RPS6KA6: variants seen among roughly 807,000 people sequenced by gnomAD.
RPS6KA6 encodes ribosomal protein S6 kinase A6, also known as ribosomal protein S6 kinase alpha-6.
A neutral mutation model predicts 65.4 loss-of-function variants in RPS6KA6; 27 were observed. That is an observed-to-expected ratio of 0.41 (90% confidence interval 0.30 to 0.57). The LOEUF (loss-of-function observed/expected upper bound fraction) is 0.57. Ranked by LOEUF, RPS6KA6 falls within the 20% of genes least tolerant of loss-of-function variation. The pLI is 0.24. For synonymous variants in RPS6KA6, 190 were observed against 184.2 expected, an observed-to-expected ratio of 1.03 and a Z score of -0.26; for missense variants, 486 against 555.6, an observed-to-expected ratio of 0.87 and a Z score of 1.26.
chrX:84,062,344 T>C lies in RPS6KA6; in HGVS notation c.*1933A>G, dbSNP rs2033314570. 1 of 111,759 alleles carries C rather than the reference T, an allele frequency of 8.9e-6. No individual in the cohort carries two copies. The highest frequency in any genetic ancestry group is 3.2e-5 in the African/African-American group (1 of 30,806). The allele number at this position is 111,759 out of a possible 1,213,427, so 9.2% of individuals were successfully genotyped here. ...ATCCATGGAAATAGTATCTCTGTCC[T>C]GAAAACTTCAACACCAAAATCACAC... On this transcript the variant is annotated 3_prime_UTR_variant, in exon 22 of 22. Coordinates refer to ENST00000262752, the MANE Select transcript of RPS6KA6 (RefSeq NM_014496.5).
At chrX:84,075,759 A>G (rs1239002811) in intron 20 of RPS6KA6, among the ~76,000 whole-genome samples, 1 of 112,150 alleles carries the variant, frequency 8.9e-6, no homozygotes, top group African/African-American at 3.2e-5. Context: ...AAAAAAGTCA[A>G]CCAATAATTT....
intron 14 of RPS6KA6, 148 bp from the exon 15 acceptor site, chrX:84,106,635 C>A: frequency 2.1e-6 from 1 of 478,582 alleles, no homozygotes; most frequent in Non-Finnish European, 3.3e-6. Flanking sequence ...ATGGCGTGAA[C>A]CAATCCTTTC....
rs748634139 is a variant in RPS6KA6, at chrX:84,115,217, A to G, written c.1008+1012T>C. On this transcript the variant is annotated intron_variant, in intron 12 of 21. Coordinates refer to ENST00000262752, the MANE Select transcript of RPS6KA6 (RefSeq NM_014496.5). ...AAACTATGCCTCTGACAAAAGACTAATATCGAGATCTGCAAGGTACTCAAA... is the reference window on the plus strand; with the variant it reads ...AAACTATGCCTCTGACAAAAGACTAGTATCGAGATCTGCAAGGTACTCAAA... Among the ~76,000 whole-genome samples, 72 of 111,777 alleles carry G rather than the reference A, an allele frequency of 6.4e-4. 1 individual carries two copies. The highest frequency in any genetic ancestry group is 1.1e-3 in the Non-Finnish European group (61 of 53,151).
chrX:84,064,838 T>C, intron 21 of RPS6KA6, 133 bp downstream of exon 21: 1 of 485,785 alleles, frequency 2.1e-6, no homozygotes, highest in Admixed American at 3.7e-5. Context: ...ACATGGTTGT[T>C]AATTTAAAAA....
At chrX:84,181,642 A>C (rs1327146447) in intron 1 of RPS6KA6, among the ~76,000 whole-genome samples, 1 of 111,138 alleles carries the variant, frequency 9.0e-6, no homozygotes, top group Non-Finnish European at 1.9e-5. Flanking sequence ...CATCATAAGC[A>C]TCTGGGGAAT....
Position 84,064,394 on chromosome X carries a change from C to T in RPS6KA6, c.2121G>A (p.Met707Ile), listed in dbSNP as rs754433259. 2 of 1,194,619 alleles carry T rather than the reference C, an allele frequency of 1.7e-6. No homozygotes were observed. Among genetic ancestry groups the T allele is most frequent in the East Asian group, 6.0e-5 (2 of 33,468 alleles). The change falls in exon 22 of 22, where the codon ATG becomes ATA. Residue 707 changes from methionine (M) to isoleucine (I), a missense_variant. By Grantham distance (10) the Met-to-Ile change is conservative (BLOSUM62 1). Around this residue, in one of 3 missense-constraint regions of RPS6KA6, gnomAD observed 345 missense variants for 375.0 expected, o/e 0.92. Coordinates refer to ENST00000262752, the MANE Select transcript of RPS6KA6 (RefSeq NM_014496.5). The stretch of plus-strand genomic sequence containing the variant: ...GAGTCAGGGCAGAGTATGTTGCAAC[C>T]ATTGCTCCCTAAAGTAATGAGAAAA... ...NDVSHVVKGA[M>I]VATYSALTHK...
intron 20 of RPS6KA6, among the ~76,000 whole-genome samples, chrX:84,091,816 A>G (rs1292369981): frequency 8.9e-6 from 1 of 112,253 alleles, no homozygotes; most frequent in Non-Finnish European, 1.9e-5. Flanking sequence ...GATAGACTAA[A>G]GAAAATGAGG....
At chrX:84,163,204 G>C (rs1282049552) in intron 2 of RPS6KA6, among the ~76,000 whole-genome samples, 1 of 111,788 alleles carries the variant, frequency 8.9e-6, no homozygotes, top group Non-Finnish European at 1.9e-5. Context: ...TGACCTAAAA[G>C]GAAGCATACT....
intron 6 of RPS6KA6, among the ~76,000 whole-genome samples, chrX:84,144,395 G>C (rs1303281087): frequency 9.0e-6 from 1 of 110,649 alleles, no homozygotes; most frequent in African/African-American, 3.3e-5. Flanking sequence ...TTACCAAGAG[G>C]ATAGATGGCA....
chrX:84,112,590 T>G (rs1275269719), intron 12 of RPS6KA6, among the ~76,000 whole-genome samples: 1 of 110,741 alleles, frequency 9.0e-6, no homozygotes, highest in African/African-American at 3.3e-5. Flanking sequence ...AACAACAAAA[T>G]CAAGGCAGGA....
At chrX:84,099,385 C>T (rs2034217977) in intron 18 of RPS6KA6, among the ~76,000 whole-genome samples, 1 of 111,080 alleles carries the variant, frequency 9.0e-6, no homozygotes, top group Admixed American at 9.6e-5. Context: ...TTATGTTTCA[C>T]ACCTTTTTAC....
intron 1 of RPS6KA6, among the ~76,000 whole-genome samples, chrX:84,180,883 GACGTATTTCCT>G (rs1451778240): frequency 9.0e-6 from 1 of 111,585 alleles, no homozygotes; most frequent in Non-Finnish European, 1.9e-5. Flanking sequence ...TCAAATTCCA[GACGTATTTCCT>G]ACTAACTTGC....
chrX:84,152,790 A>C (rs1022859281), intron 3 of RPS6KA6, among the ~76,000 whole-genome samples: 20 of 111,544 alleles, frequency 1.8e-4, no homozygotes, highest in African/African-American at 6.2e-4. Context: ...CCTCAAAGTT[A>C]ATATGTTAAA....
chrX:84,074,156 C>T (rs997892365), intron 20 of RPS6KA6, among the ~76,000 whole-genome samples: 6 of 111,725 alleles, frequency 5.4e-5, no homozygotes, highest in Non-Finnish European at 7.5e-5. Flanking sequence ...TTATAAAATG[C>T]GGTAAATATA....
In RPS6KA6 at chrX:84,059,715, T is replaced by C. The variant is rs1010388065; in HGVS notation, c.*4562A>G. On this transcript the variant is annotated 3_prime_UTR_variant, in exon 22 of 22. Coordinates refer to ENST00000262752, the MANE Select transcript of RPS6KA6 (RefSeq NM_014496.5). ...TTGAAGAATAAATTATTAGTTCCCA[T>C]AACTAGACAGTTGGAATTACAGCAA... 1 of 111,887 alleles carries C rather than the reference T, an allele frequency of 8.9e-6. No homozygotes were observed. The highest frequency in any genetic ancestry group is 1.9e-5 in the Non-Finnish European group (1 of 53,200). 9.2% of individuals were successfully genotyped at this position (111,887 alleles called of 1,213,427 possible).
intron 1 of RPS6KA6, among the ~76,000 whole-genome samples, chrX:84,184,505 G>T (rs1048627206): frequency 1.8e-5 from 2 of 111,794 alleles, no homozygotes; most frequent in African/African-American, 6.5e-5. Flanking sequence ...AAGAAAGTGA[G>T]GTTCAGAGAG....
Position 84,150,999 on chromosome X carries a change from T to C in RPS6KA6, c.259-2876A>G, listed in dbSNP as rs1487224745. Among the ~76,000 whole-genome samples the C allele has an allele frequency of 3.9e-5, 3 of 75,993 alleles. No individual in the cohort carries two copies. In the East Asian group the frequency reaches 1.2e-3, roughly 30 times the overall value. 66.0% of individuals were successfully genotyped at this position (75,993 alleles called of 115,157 possible). A position where few individuals can be genotyped will look rare whatever the true frequency, so the allele number is the denominator to read the frequency against. ...ATAGGATATATATATAGAGGATATA[T>C]ATAGAGAGGATATATAGAGAGAGGA... is the stretch of plus-strand genomic sequence containing the variant. On this transcript the variant is annotated intron_variant, in intron 3 of 21. Transcript: ENST00000262752.
chrX:84,070,097 G>C (rs2147330552), intron 20 of RPS6KA6, among the ~76,000 whole-genome samples: 1 of 112,211 alleles, frequency 8.9e-6, no homozygotes, highest in Admixed American at 9.4e-5. Context: ...CTTGTATAAA[G>C]ACACATGCAC....
intron 8 of RPS6KA6, among the ~76,000 whole-genome samples, chrX:84,121,646 T>A (rs1221372169): frequency 8.9e-6 from 1 of 111,812 alleles, no homozygotes; most frequent in Non-Finnish European, 1.9e-5. Context: ...CTTGCAAAGG[T>A]GCAAAAGCAA....
Sources: gnomAD v4.1 joint callset for allele counts (sites outside exome capture counted in the v4.1 genomes callset) on GRCh38, gnomAD v4.1.1 for gene constraint, gnomAD v4.1.1 regional missense constraint, MANE v1.5 for transcripts, NCBI Gene and HGNC (gene_info 2026-07-23, HGNC 2026-07-21) for gene names.